CALN1: variants seen among roughly 807,000 people sequenced by gnomAD.
CALN1 encodes calcium-binding protein 8.
In CALN1, 17 loss-of-function variants were observed where a neutral mutation model predicts 30.6. The observed-to-expected ratio is 0.56, with a 90% CI of 0.38 to 0.83. The LOEUF (loss-of-function observed/expected upper bound fraction) is 0.83, where lower values mean the gene tolerates loss of function less well. Among genes scored for constraint, CALN1 ranks in the 40% least tolerant of loss-of-function variants. CALN1 has a pLI of 0.00. For missense variants in CALN1, 291 were observed against 354.9 expected (o/e 0.82, Z 1.45); for synonymous variants, 156 against 131.4 (o/e 1.19, Z -1.28).
intron 5 of CALN1, among the ~76,000 whole-genome samples, chr7:71,978,262 CTTTTTTTTT>C (rs1010635078): frequency 2.3e-4 from 17 of 72,932 alleles, no homozygotes; most frequent in Non-Finnish European, 3.1e-4. Context: ...CTAGAGAATT[CTTTTTTTTT>C]TTTTTTTTTT....
At chr7:71,942,018 G>A (rs1052896073) in intron 5 of CALN1, among the ~76,000 whole-genome samples, 5 of 152,098 alleles carry the variant, frequency 3.3e-5, no homozygotes, top group African/African-American at 1.2e-4. Flanking sequence ...GGCCAACATA[G>A]TGAAACCCTG....
At chr7:72,251,236 G>C (rs1006256505) in intron 3 of CALN1, among the ~76,000 whole-genome samples, 1 of 151,978 alleles carries the variant, frequency 6.6e-6, no homozygotes, top group Admixed American at 6.6e-5. Context: ...CAGCCTCCAA[G>C]GTCCAACACA....
chr7:72,475,941 CTTTTTTTT>C, the CALN1 span, among the ~76,000 whole-genome samples: 3 of 75,876 alleles, frequency 4.0e-5, no homozygotes, highest in Admixed American at 1.7e-4. Context: ...CTCTCTCTCT[CTTTTTTTT>C]TTTTTTTTTT....
intron 3 of CALN1, among the ~76,000 whole-genome samples, chr7:72,269,367 C>G (rs892972317): frequency 2.0e-5 from 3 of 151,928 alleles, no homozygotes; most frequent in African/African-American, 7.3e-5. Flanking sequence ...CCTGCCCCCA[C>G]TCCACAACAG....
rs1791101571 is a variant in CALN1 at position 71,858,828 on chromosome 7, C to A, written c.502-48336G>T. The stretch of plus-strand genomic sequence containing the variant: ...ATACTGATTGATGTCTCGTGTCTCC[C>A]TAAAATGTATAAAACCAAGCTGTGC... On this transcript the variant is annotated intron_variant, in intron 5 of 6. Coordinates refer to ENST00000395275, the MANE Select transcript of CALN1 (RefSeq NM_031468.4). Among the ~76,000 whole-genome samples, 3 of 152,086 alleles carry A rather than the reference C, an allele frequency of 2.0e-5. No homozygotes were observed. In the South Asian group the frequency reaches 6.2e-4, roughly 32 times the overall value.
chr7:72,294,454 T>C (rs1798709489), intron 2 of CALN1, among the ~76,000 whole-genome samples: 1 of 151,938 alleles, frequency 6.6e-6, no homozygotes, highest in South Asian at 2.1e-4. Context: ...ATAATTTAAA[T>C]ATAAAGAAAA....
chr7:72,361,791 C>T (rs1585580510), intron 2 of CALN1, among the ~76,000 whole-genome samples: 1 of 152,106 alleles, frequency 6.6e-6, no homozygotes, highest in Non-Finnish European at 1.5e-5. Flanking sequence ...ATAGAAACTG[C>T]TTGATTTCAA....
chr7:72,061,192 G>A lies in CALN1; in HGVS notation c.389-37423C>T, dbSNP rs145623327. On this transcript the variant is annotated intron_variant, in intron 4 of 6. Coordinates refer to ENST00000395275, the MANE Select transcript of CALN1 (RefSeq NM_031468.4). ...TCTCTGGAGGATTTAAAGAAGAGCC[G>A]GGATCTCATAACGTAATATTCAAAA... Among the ~76,000 whole-genome samples the A allele has an allele frequency of 1.7e-4, 26 of 152,196 alleles. No homozygotes were observed. In the East Asian group the frequency reaches 4.6e-3, roughly 27 times the overall value.
At chr7:72,093,715 G>A (rs1042305308) in intron 4 of CALN1, among the ~76,000 whole-genome samples, 22 of 152,034 alleles carry the variant, frequency 1.4e-4, no homozygotes, top group African/African-American at 4.8e-4. Context: ...CTCAGCTCAA[G>A]TCACAGAGAA....
intron 5 of CALN1, among the ~76,000 whole-genome samples, chr7:71,966,009 T>A (rs957671186): frequency 3.3e-5 from 5 of 151,086 alleles, no homozygotes; most frequent in Non-Finnish European, 7.4e-5. Context: ...GGGAGTATAA[T>A]CTTGCATTCA....
intron 4 of CALN1, among the ~76,000 whole-genome samples, chr7:72,097,857 G>A (rs1343099294): frequency 6.6e-6 from 1 of 152,056 alleles, no homozygotes; most frequent in Admixed American, 6.6e-5. Flanking sequence ...GGGATTACAG[G>A]TGCCTGCCAC....
rs1479386708 is a variant in CALN1, at chr7:72,056,764, T to C, written c.389-32995A>G. Among the ~76,000 whole-genome samples, 4 of 152,156 alleles carry C rather than the reference T, an allele frequency of 2.6e-5. No homozygotes were observed. In the East Asian group the frequency reaches 7.7e-4, roughly 29 times the overall value. ...CATTCTTCAAATACGAAGAAATTCATTAAAAGATGAATACTAAAAGATAAA... is the reference window on the plus strand; with the variant it reads ...CATTCTTCAAATACGAAGAAATTCACTAAAAGATGAATACTAAAAGATAAA... On this transcript the variant is annotated intron_variant, in intron 4 of 6. Transcript: ENST00000395275.
chr7:71,863,692 AGTCT>A (rs1302972158), intron 5 of CALN1, among the ~76,000 whole-genome samples: 4 of 152,072 alleles, frequency 2.6e-5, no homozygotes, highest in African/African-American at 9.7e-5. Flanking sequence ...TCCACGCAGG[AGTCT>A]GTCTACACAA....
At chr7:72,227,563 A>G (rs1225955142) in intron 3 of CALN1, among the ~76,000 whole-genome samples, 2 of 150,572 alleles carry the variant, frequency 1.3e-5, no homozygotes, top group Non-Finnish European at 2.9e-5. Flanking sequence ...AAAAAAGAAA[A>G]AAGAAAAAAG....
chr7:72,197,178 C>CTTTTTTTTTTTTTTT lies in CALN1; in HGVS notation c.244+81493_244+81507dup, dbSNP rs386410439. Among the ~76,000 whole-genome samples, 3 of 64,208 alleles carry CTTTTTTTTTTTTTTT rather than the reference C, an allele frequency of 4.7e-5. 1 individual carries two copies. Among genetic ancestry groups the CTTTTTTTTTTTTTTT allele is most frequent in the Non-Finnish European group, 8.0e-5 (3 of 37,606 alleles). 42.1% of individuals were successfully genotyped at this position (64,208 alleles called of 152,430 possible). ...TTTTCATTGTCAAATGGAAGGTTTG[C>CTTTTTTTTTTTTTTT]TTTTTTTTTTTTTTTTTTTTTTTTG... On this transcript the variant is annotated intron_variant, in intron 3 of 6. Transcript: ENST00000395275.
chr7:72,137,234 T>C (rs912281089), intron 3 of CALN1, among the ~76,000 whole-genome samples: 1 of 152,174 alleles, frequency 6.6e-6, no homozygotes. Context: ...GGGGTTTATC[T>C]TAGGGTTGGG....
intron 3 of CALN1, among the ~76,000 whole-genome samples, chr7:72,152,578 G>C (rs1787335440): frequency 6.6e-6 from 1 of 152,018 alleles, no homozygotes; most frequent in South Asian, 2.1e-4. Flanking sequence ...CCAGCAATAG[G>C]AACAACACTG....
chr7:72,107,856 G>A (rs1202584283), intron 3 of CALN1, among the ~76,000 whole-genome samples: 1 of 152,140 alleles, frequency 6.6e-6, no homozygotes, highest in Non-Finnish European at 1.5e-5. Context: ...CACTCAGCTC[G>A]ACTCCACTCA....
upstream of CALN1, among the ~76,000 whole-genome samples, chr7:72,413,242 CCA>C (rs1807291538): frequency 6.6e-6 from 1 of 151,578 alleles, no homozygotes; most frequent in African/African-American, 2.4e-5. Context: ...CTCACACACA[CCA>C]CACATACACA....
Sources: gnomAD v4.1 joint callset for allele counts (sites outside exome capture counted in the v4.1 genomes callset) on GRCh38, gnomAD v4.1.1 for gene constraint, MANE v1.5 for transcripts, NCBI Gene and HGNC (gene_info 2026-07-23, HGNC 2026-07-21) for gene names.